The following VWA8 variants were observed in gnomAD, a reference collection of about 807,000 sequenced individuals.
The protein encoded by VWA8 is von Willebrand factor A domain containing 8, also known as von Willebrand factor A domain-containing protein 8.
VWA8 carries 221 observed loss-of-function variants against 241.5 expected under a neutral mutation model. The ratio of observed to expected loss-of-function variants is 0.91; its 90% CI spans 0.82 to 1.02. The LOEUF (loss-of-function observed/expected upper bound fraction) is 1.02. VWA8 is among the 50% of genes least tolerant of loss of function. VWA8 has a pLI of 0.00. For synonymous variants in VWA8, 852 were observed against 827.1 expected, an observed-to-expected ratio of 1.03 and a Z score of -0.52; for missense variants, 2,322 against 2,328.7, an observed-to-expected ratio of 1.00 and a Z score of 0.06.
intron 17 of VWA8, among the ~76,000 whole-genome samples, chr13:41,798,102 CTTCTA>C (rs1869785590): frequency 1.3e-5 from 2 of 152,094 alleles, no homozygotes; most frequent in Non-Finnish European, 1.5e-5. Context: ...TTATTCAATA[CTTCTA>C]TTCTCTTCTT....
At chr13:41,773,672 C>T (rs1209547976) in intron 20 of VWA8, among the ~76,000 whole-genome samples, 1 of 152,134 alleles carries the variant, frequency 6.6e-6, no homozygotes, top group East Asian at 1.9e-4. Context: ...TATGAAAACA[C>T]ATTAGAAAGG....
intron 3 of VWA8, among the ~76,000 whole-genome samples, chr13:41,909,248 C>T (rs981932440): frequency 1.1e-4 from 17 of 152,134 alleles, no homozygotes; most frequent in East Asian, 3.9e-4. Flanking sequence ...TTAGTACAGA[C>T]GGGATTTCAC....
At chr13:41,953,133 C>G (rs1001745211) in intron 1 of VWA8, among the ~76,000 whole-genome samples, 1 of 152,128 alleles carries the variant, frequency 6.6e-6, no homozygotes, top group Non-Finnish European at 1.5e-5. Context: ...AAGTAGCTCT[C>G]TTGGTAAATA....
chr13:41,840,746 G>A (rs550353824), intron 12 of VWA8, among the ~76,000 whole-genome samples: 130 of 148,662 alleles, frequency 8.7e-4, no homozygotes, highest in South Asian at 2.8e-3. Context: ...GTGACAAAGT[G>A]AGACCGTCTC....
chr13:41,691,731 C>T (rs1329104979), intron 31 of VWA8, 143 bp downstream of exon 31: 8 of 744,216 alleles, frequency 1.1e-5, no homozygotes, highest in Non-Finnish European at 1.7e-5. Context: ...TCTCAATATT[C>T]TGCAATGTGG....
At chr13:41,614,002 A>C (rs1325970191) in intron 38 of VWA8, among the ~76,000 whole-genome samples, 2 of 152,220 alleles carry the variant, frequency 1.3e-5, no homozygotes, top group African/African-American at 4.8e-5. Flanking sequence ...TCTCCCCCAG[A>C]GTAGTCCACT....
rs1259614080 is a variant in VWA8, at chr13:41,575,817, C to T, written c.5293G>A (p.Gly1765Arg). The T allele has an allele frequency of 1.9e-6, 3 of 1,612,680 alleles. No individual in the cohort carries two copies. The highest frequency in any genetic ancestry group is 2.5e-6 in the Non-Finnish European group (3 of 1,179,780). Residue 1765 changes from glycine (G) to arginine (R), a missense_variant, in exon 43 of 45, where the codon GGA becomes AGA. Coordinates refer to ENST00000379310, the MANE Select transcript of VWA8 (RefSeq NM_015058.2). ...KFQYDIVGHS[G>R]DGYNIGLVPM... ...ACCAGACCAATGTTGTAGCCATCTC[C>T]AGAGTGTCCAACGATGTCATACTAC...
At chr13:41,590,530 T>G in intron 41 of VWA8, 110 bp downstream of exon 41, 1 of 1,191,236 alleles carries the variant, frequency 8.4e-7, no homozygotes, top group Non-Finnish European at 1.1e-6. Context: ...ATGCTTTCCT[T>G]GGTTACCATA....
intron 20 of VWA8, among the ~76,000 whole-genome samples, chr13:41,768,400 A>G (rs1306361388): frequency 6.6e-6 from 1 of 152,228 alleles, no homozygotes; most frequent in Non-Finnish European, 1.5e-5. Context: ...ATATTAAATA[A>G]TTCAACATTT....
At chr13:41,655,626 G>GT (rs938783808) in intron 37 of VWA8, among the ~76,000 whole-genome samples, 21 of 152,084 alleles carry the variant, frequency 1.4e-4, no homozygotes, top group African/African-American at 4.3e-4. Flanking sequence ...GATGGAATGA[G>GT]TTTTTTTTCC....
intron 21 of VWA8, among the ~76,000 whole-genome samples, chr13:41,741,394 T>G (rs1403989240): frequency 6.6e-6 from 1 of 152,228 alleles, no homozygotes; most frequent in Non-Finnish European, 1.5e-5. Context: ...CCGCCACTTT[T>G]TATGATAAAT....
At chr13:41,919,224 T>C (rs1261719200) in intron 2 of VWA8, among the ~76,000 whole-genome samples, 1 of 152,128 alleles carries the variant, frequency 6.6e-6, no homozygotes, top group Non-Finnish European at 1.5e-5. Context: ...CAGCCCCTAT[T>C]TGGGGATCAG....
Position 41,891,641 on chromosome 13 carries a change from G to T in VWA8, c.484-54C>A. 2.5e-6 allele frequency: 4 copies of T among 1,582,322 alleles called. 1 individual carries two copies. The highest frequency in any genetic ancestry group is 3.5e-6 in the Non-Finnish European group (4 of 1,157,724). ...GAGAATACTGAAGTTGCAGAGCTTG[G>T]CCTAACATTACTTGTAATTCAAATT... On this transcript the variant is annotated intron_variant, in intron 4 of 44. Transcript: ENST00000379310.
At position 41,699,125 on chromosome 13, in the gene VWA8, T is replaced by C. The variant is rs573598190; in HGVS notation, c.3510A>G (p.Thr1170=). 1.9e-6 allele frequency: 3 copies of C among 1,614,082 alleles called. No individual in the cohort carries two copies. The highest frequency in any genetic ancestry group is 2.2e-5 in the South Asian group (2 of 91,080). Residue 1170 remains threonine, a synonymous_variant, in exon 29 of 45, where the codon ACA becomes ACG. Transcript: ENST00000379310. ...TGAGAGGACTTCCCAGCGGTGCCACTGTCACAAAAGGGTGCCAAACGCCAT... is the reference window on the plus strand; with the variant it reads ...TGAGAGGACTTCCCAGCGGTGCCACCGTCACAAAAGGGTGCCAAACGCCAT... ...TANGVWHPFV[T]VAPLGSPLKG...
At chr13:41,940,086 G>C (rs1169378747) in intron 2 of VWA8, among the ~76,000 whole-genome samples, 1 of 152,120 alleles carries the variant, frequency 6.6e-6, no homozygotes, top group African/African-American at 2.4e-5. Flanking sequence ...GACTGTAAAA[G>C]GAAAACCAAA....
intron 37 of VWA8, among the ~76,000 whole-genome samples, chr13:41,668,149 T>C (rs893227908): frequency 1.3e-5 from 2 of 152,198 alleles, no homozygotes; most frequent in Admixed American, 1.3e-4. Flanking sequence ...GTTCCTTTGC[T>C]ATGATGCAGA....
At chr13:41,627,692 T>C (rs1483930191) in intron 37 of VWA8, among the ~76,000 whole-genome samples, 2 of 152,182 alleles carry the variant, frequency 1.3e-5, no homozygotes, top group East Asian at 1.9e-4. Flanking sequence ...AAGCTTCAGA[T>C]GATCATGCAA....
chr13:41,800,604 C>G lies in VWA8; in HGVS notation c.2063+10621G>C, dbSNP rs376891879. 2.8e-3 allele frequency among the ~76,000 whole-genome samples: 416 copies of G among 148,100 alleles called. 1 individual carries two copies. Among genetic ancestry groups the G allele is most frequent in the African/African-American group, 8.7e-3 (349 of 40,300 alleles). ...GAGATTGAAACCATCCTGGCTAACA[C>G]AGTGAAACACCGTCTCTACTAAAAA... is the stretch of plus-strand genomic sequence containing the variant. On this transcript the variant is annotated intron_variant, in intron 17 of 44. Coordinates refer to ENST00000379310, the MANE Select transcript of VWA8 (RefSeq NM_015058.2).
chr13:41,729,539 CACTT>C lies in VWA8; in HGVS notation c.2637_2638+2del. 6.2e-6 allele frequency: 10 copies of C among 1,608,790 alleles called. No homozygotes were observed. The highest frequency in any genetic ancestry group is 8.5e-6 in the Non-Finnish European group (10 of 1,177,924). ...AGGAAACATTGCTTTCTAAAATACT[CACTT>C]GCAACAATGCGTCTTCCATCTGCTA... On this transcript the variant is annotated splice_donor_variant and coding_sequence_variant, in exon 23 of 45. Transcript: ENST00000379310. LOFTEE classifies it high-confidence loss of function.
Sources: allele counts gnomAD v4.1 joint callset (sites outside exome capture counted in the v4.1 genomes callset), GRCh38; gene constraint gnomAD v4.1.1; transcripts MANE v1.5; gene names NCBI Gene and HGNC (gene_info 2026-07-23, HGNC 2026-07-21).